NPHP1: variants seen among roughly 807,000 people sequenced by gnomAD.
The protein encoded by NPHP1 is nephrocystin-1.
Under a neutral mutation model 90.4 loss-of-function variants are expected in NPHP1, and 70 were observed. The ratio of observed to expected loss-of-function variants is 0.77; its 90% CI spans 0.64 to 0.95. NPHP1 has a LOEUF of 0.95. NPHP1 is among the 40% of genes least tolerant of loss of function. The pLI, the probability that NPHP1 is intolerant of heterozygous loss-of-function variation, is 0.00. For missense variants in NPHP1, 764 were observed against 795.9 expected, an observed-to-expected ratio of 0.96 and a Z score of 0.48; for synonymous variants, 256 against 271.7, an observed-to-expected ratio of 0.94 and a Z score of 0.57.
In NPHP1 at chr2:110,198,002, A is replaced by G. The variant is rs145782735; in HGVS notation, c.143+3419T>C. 8.9e-4 allele frequency among the ~76,000 whole-genome samples: 135 copies of G among 152,276 alleles called. 1 individual carries two copies. The highest frequency in any genetic ancestry group is 1.5e-3 in the Non-Finnish European group (103 of 68,018). On this transcript the variant is annotated intron_variant, in intron 2 of 19. Transcript: ENST00000445609. ...GGTTCAGGATAAAAACTAAGCACAC[A>G]TTCATCTTCACTGGCTCCTGAAACC...
chr2:110,196,369 G>T (rs1224884352), intron 2 of NPHP1, among the ~76,000 whole-genome samples: 1 of 152,112 alleles, frequency 6.6e-6, no homozygotes, highest in African/African-American at 2.4e-5. Flanking sequence ...CTTCTCAAAA[G>T]AAGACATTTA....
intron 19 of NPHP1, chr2:110,124,541 G>T (rs796957996): frequency 1.3e-4 from 29 of 229,926 alleles, no homozygotes; most frequent in African/African-American, 6.2e-4. Context: ...GCCTGGGATG[G>T]AGGTCGAGGG....
intron 14 of NPHP1, among the ~76,000 whole-genome samples, chr2:110,145,797 C>T (rs979921280): frequency 5.9e-5 from 9 of 152,058 alleles, no homozygotes; most frequent in Non-Finnish European, 1.2e-4. Context: ...ACTAAAAACC[C>T]TGAGCATATT....
intron 2 of NPHP1, among the ~76,000 whole-genome samples, chr2:110,180,236 C>G (rs1683791384): frequency 6.6e-6 from 1 of 152,120 alleles, no homozygotes; most frequent in Non-Finnish European, 1.5e-5. Flanking sequence ...ATTCCCACCA[C>G]AGCACACTCC....
chr2:110,151,222 C>G (rs1040203736), intron 11 of NPHP1, among the ~76,000 whole-genome samples: 9 of 149,248 alleles, frequency 6.0e-5, no homozygotes, highest in Admixed American at 4.0e-4. Context: ...ACATGCAGTT[C>G]ATTACTCTGT....
intron 2 of NPHP1, among the ~76,000 whole-genome samples, chr2:110,196,280 T>C (rs921615679): frequency 6.6e-6 from 1 of 151,724 alleles, no homozygotes; most frequent in Non-Finnish European, 1.5e-5. Context: ...ATATACAGAA[T>C]CTACAATGAA....
At chr2:110,151,849 C>T (rs1681493266) in intron 11 of NPHP1, among the ~76,000 whole-genome samples, 2 of 152,104 alleles carry the variant, frequency 1.3e-5, no homozygotes, top group African/African-American at 4.8e-5. Context: ...AAGTCCTTTG[C>T]TATAATCAAA....
At chr2:110,136,001 T>A (rs1052321557) in intron 16 of NPHP1, among the ~76,000 whole-genome samples, 1 of 152,136 alleles carries the variant, frequency 6.6e-6, no homozygotes, top group African/African-American at 2.4e-5. Flanking sequence ...ATCCCTGGGA[T>A]GCAAGACTGG....
In NPHP1 at chr2:110,144,490, T is replaced by C; in HGVS notation, c.1429+3A>G. 9 of 1,583,026 alleles carry C rather than the reference T, an allele frequency of 5.7e-6. No homozygotes were observed. In the South Asian group the frequency reaches 1.0e-4, roughly 18 times the overall value. ...AAAGGAAGACAACACATGAGAGCCATACCTCTTCTGGATATTGAAGGGTCC... is the reference window on the plus strand; with the variant it reads ...AAAGGAAGACAACACATGAGAGCCACACCTCTTCTGGATATTGAAGGGTCC... On this transcript the variant is annotated splice_donor_region_variant and intron_variant, in intron 15 of 19. Coordinates refer to ENST00000445609, the MANE Select transcript of NPHP1 (RefSeq NM_001128178.3).
intron 4 of NPHP1, among the ~76,000 whole-genome samples, chr2:110,170,432 T>C (rs1205686238): frequency 6.6e-6 from 1 of 152,224 alleles, no homozygotes; most frequent in Admixed American, 6.5e-5. Context: ...TAATAGAACC[T>C]GCCTTCTAAG....
At chr2:110,196,689 A>G (rs1439123946) in intron 2 of NPHP1, among the ~76,000 whole-genome samples, 1 of 152,202 alleles carries the variant, frequency 6.6e-6, no homozygotes, top group East Asian at 1.9e-4. Flanking sequence ...ATGCTGCTAT[A>G]AAGACCCATG....
chr2:110,124,247 T>TA, intron 19 of NPHP1, 184 bp from the exon 20 acceptor site: 2 of 689,910 alleles, frequency 2.9e-6, no homozygotes, highest in Non-Finnish European at 5.2e-6. Context: ...TGAGCAGAGT[T>TA]ACACAGAGTA....
intron 2 of NPHP1, among the ~76,000 whole-genome samples, chr2:110,186,045 T>G (rs1310782396): frequency 6.6e-6 from 1 of 152,144 alleles, no homozygotes; most frequent in African/African-American, 2.4e-5. Flanking sequence ...CCTGCCACAC[T>G]AATGTTTATA....
At chr2:110,130,157 C>A (rs992961020) in intron 17 of NPHP1, among the ~76,000 whole-genome samples, 2 of 152,114 alleles carry the variant, frequency 1.3e-5, no homozygotes, top group African/African-American at 4.8e-5. Flanking sequence ...ATGGCCTAAT[C>A]GCCACTCAAA....
intron 19 of NPHP1, chr2:110,124,755 C>G (rs755509108): frequency 8.6e-5 from 15 of 174,456 alleles, no homozygotes; most frequent in Non-Finnish European, 1.7e-4. Context: ...AGGGCAATGT[C>G]TACAGGCCCA....
intron 2 of NPHP1, among the ~76,000 whole-genome samples, chr2:110,185,575 T>C (rs1684229076): frequency 6.6e-6 from 1 of 151,984 alleles, no homozygotes; most frequent in South Asian, 2.1e-4. Flanking sequence ...CCACCCTCAC[T>C]CCCACCCACC....
intron 2 of NPHP1, among the ~76,000 whole-genome samples, chr2:110,196,389 A>G (rs1442102724): frequency 1.3e-5 from 2 of 152,176 alleles, no homozygotes; most frequent in Non-Finnish European, 2.9e-5. Context: ...ATGCAGCCAA[A>G]AAACACATGA....
intron 11 of NPHP1, among the ~76,000 whole-genome samples, chr2:110,158,519 G>T (rs747890517): frequency 3.3e-5 from 5 of 151,942 alleles, no homozygotes; most frequent in Non-Finnish European, 7.4e-5. Context: ...ACCCACTTAG[G>T]ATTACTATGT....
intron 11 of NPHP1, among the ~76,000 whole-genome samples, chr2:110,156,958 G>A (rs1681943128): frequency 6.6e-6 from 1 of 151,994 alleles, no homozygotes; most frequent in South Asian, 2.1e-4. Flanking sequence ...TGTATTTTTA[G>A]TAGAGACGCG....
Sources: allele counts gnomAD v4.1 joint callset (sites outside exome capture counted in the v4.1 genomes callset), GRCh38; gene constraint gnomAD v4.1.1; transcripts MANE v1.5; gene names NCBI Gene and HGNC (gene_info 2026-07-23, HGNC 2026-07-21).